EFHC2: variants seen among roughly 807,000 people sequenced by gnomAD.
The protein encoded by EFHC2 is EF-hand domain-containing family member C2.
In EFHC2, 18 loss-of-function variants were observed where a neutral mutation model predicts 52.7. That is an observed-to-expected ratio of 0.34 (90% confidence interval 0.24 to 0.51). The LOEUF is 0.51. Ranked by LOEUF, EFHC2 falls within the 20% of genes least tolerant of loss-of-function variation. EFHC2 has a pLI of 0.97. For missense variants in EFHC2, 513 were observed against 562.5 expected (o/e 0.91, Z 0.89); for synonymous variants, 203 against 204.1 (o/e 0.99, Z 0.04).
intron 10 of EFHC2, among the ~76,000 whole-genome samples, chrX:44,230,003 A>C (rs1001966230): frequency 8.2e-5 from 9 of 110,230 alleles, no homozygotes; most frequent in Non-Finnish European, 1.5e-4. Context: ...GCTCTGAGGG[A>C]AATGAGCTTA....
At position 44,242,263 on chromosome X, in the gene EFHC2, G is replaced by A. The variant is rs752459807; in HGVS notation, c.1138C>T (p.Pro380Ser). Reference protein sequence around the residue: ...IENFTSVSCKPPSPPPKIERK... With the variant: ...IENFTSVSCKSPSPPPKIERK... Reference sequence around the variant, plus strand: ...TCTATTTTTGGAGGAGGAGAAGGAGGCTTGCATGAAACTGAGGTAAAGTTC... The same window carrying A: ...TCTATTTTTGGAGGAGGAGAAGGAGACTTGCATGAAACTGAGGTAAAGTTC... The change falls in exon 8 of 15, where the codon CCT becomes TCT. Residue 380 changes from proline to serine, a missense_variant. By Grantham distance (74) the Pro-to-Ser change is moderately conservative. Coordinates refer to ENST00000420999, the MANE Select transcript of EFHC2 (RefSeq NM_025184.4). 1.7e-5 allele frequency: 20 copies of A among 1,205,907 alleles called. No individual in the cohort carries two copies. The highest frequency in any genetic ancestry group is 2.2e-5 in the Admixed American group (1 of 45,181).
At chrX:44,165,865 A>T (rs2036692835) in intron 13 of EFHC2, among the ~76,000 whole-genome samples, 1 of 111,187 alleles carries the variant, frequency 9.0e-6, no homozygotes, top group East Asian at 2.8e-4. Context: ...TAGTGCCCTT[A>T]TATTAATTAA....
intron 2 of EFHC2, among the ~76,000 whole-genome samples, chrX:44,278,177 C>T (rs999193618): frequency 1.8e-5 from 2 of 112,017 alleles, no homozygotes; most frequent in Non-Finnish European, 3.8e-5. Context: ...GAGTTGGAGA[C>T]CAGCCTGGCC....
chrX:44,310,024 T>C (rs1602210638), intron 2 of EFHC2: 3 of 949,930 alleles, frequency 3.2e-6, no homozygotes, highest in Non-Finnish European at 4.6e-6. Context: ...ATCTGAACTA[T>C]TTGGCTAAAT....
rs562929162 is a variant in EFHC2, at chrX:44,274,231, C to T, written c.232-1395G>A. ...GAGATCTACTCCCTTCAGGATGGCA[C>T]CTTTGGCTTCATTCCCAAATAGTCC... On this transcript the variant is annotated intron_variant, in intron 2 of 14. Transcript: ENST00000420999. Among the ~76,000 whole-genome samples the T allele has an allele frequency of 1.3e-4, 15 of 112,636 alleles. No individual in the cohort carries two copies. In the South Asian group the frequency reaches 5.5e-3, roughly 41 times the overall value.
chrX:44,283,331 C>T (rs1016250897), intron 2 of EFHC2, among the ~76,000 whole-genome samples: 6 of 110,754 alleles, frequency 5.4e-5, no homozygotes, highest in Non-Finnish European at 1.1e-4. Context: ...TACAGGTGCC[C>T]GCCACCACAC....
At chrX:44,337,158 T>C (rs2038122182) in intron 1 of EFHC2, among the ~76,000 whole-genome samples, 1 of 111,741 alleles carries the variant, frequency 8.9e-6, no homozygotes, top group Admixed American at 9.6e-5. Context: ...CAGAAATAAC[T>C]TGAATTATTT....
At chrX:44,327,125 C>A (rs1433541897) in intron 1 of EFHC2, among the ~76,000 whole-genome samples, 1 of 111,635 alleles carries the variant, frequency 9.0e-6, no homozygotes, top group Non-Finnish European at 1.9e-5. Context: ...AACACCTGAG[C>A]CCTTAAGCAA....
intron 11 of EFHC2, among the ~76,000 whole-genome samples, chrX:44,184,723 CAAAAAAAAAA>C (rs34983921): frequency 2.2e-5 from 1 of 46,197 alleles, no homozygotes; most frequent in African/African-American, 6.5e-5. Flanking sequence ...AATTCCATCT[CAAAAAAAAAA>C]AAAAAAAAAA....
intron 1 of EFHC2, among the ~76,000 whole-genome samples, chrX:44,330,525 C>G (rs2038080587): frequency 3.6e-5 from 4 of 110,953 alleles, no homozygotes; most frequent in African/African-American, 1.3e-4. Context: ...AAAAACAAGG[C>G]TGGGCACGGT....
chrX:44,341,369 G>A (rs2038150509), intron 1 of EFHC2, among the ~76,000 whole-genome samples: 1 of 112,517 alleles, frequency 8.9e-6, no homozygotes, highest in Non-Finnish European at 1.9e-5. Flanking sequence ...GTTCCATGCA[G>A]TATTTGAGAT....
chrX:44,185,639 C>T (rs761253499), intron 11 of EFHC2, among the ~76,000 whole-genome samples: 4 of 110,197 alleles, frequency 3.6e-5, no homozygotes, highest in Admixed American at 9.7e-5. Context: ...TGAGCTCAAG[C>T]GATCCTCCCA....
intron 11 of EFHC2, among the ~76,000 whole-genome samples, chrX:44,182,962 G>A (rs956088045): frequency 9.0e-6 from 1 of 111,097 alleles, no homozygotes; most frequent in East Asian, 2.8e-4. Flanking sequence ...AGAATTCTAC[G>A]CAGAATTCTG....
intron 3 of EFHC2, among the ~76,000 whole-genome samples, chrX:44,270,025 T>C (rs1216721346): frequency 8.9e-6 from 1 of 111,757 alleles, no homozygotes; most frequent in Admixed American, 9.5e-5. Context: ...ATCATTGTCC[T>C]GGTTTGGACA....
rs762515587 is a variant in EFHC2 at position 44,248,962 on chromosome X, C to G, written c.859-46G>C. ...AAGATGTGGTAGGATTTAATCCATT[C>G]CCTTTCTTACTATAACCCCAGGGCT... On this transcript the variant is annotated intron_variant, in intron 5 of 14. Transcript: ENST00000420999. The G allele has an allele frequency of 6.4e-6, 6 of 940,220 alleles. No individual in the cohort carries two copies. The African/African-American group carries it at 9.7e-5, about 15-fold the overall frequency. 77.5% of individuals were successfully genotyped at this position (940,220 alleles called of 1,213,427 possible).
At chrX:44,310,007 T>G (rs547448904) in intron 2 of EFHC2, 1 of 969,339 alleles carries the variant, frequency 1.0e-6, no homozygotes, top group South Asian at 1.9e-5. Context: ...AACAGCGGGC[T>G]TCTGTAATCT....
At chrX:44,229,324 G>A (rs1048997964) in intron 11 of EFHC2, among the ~76,000 whole-genome samples, 8 of 111,487 alleles carry the variant, frequency 7.2e-5, no homozygotes, top group Non-Finnish European at 1.5e-4. Context: ...TGCTCTTAGC[G>A]GTGCTTTTTT....
chrX:44,149,853 G>C (rs747965196), intron 14 of EFHC2, among the ~76,000 whole-genome samples: 2 of 112,248 alleles, frequency 1.8e-5, no homozygotes, highest in Non-Finnish European at 3.8e-5. Flanking sequence ...ATCTATACTG[G>C]CTGATTGGTT....
At position 44,261,258 on chromosome X, in the gene EFHC2, A is replaced by T. The variant is rs1344121845; in HGVS notation, c.423T>A (p.Pro141=). Residue 141 remains proline (P), a synonymous_variant, in exon 4 of 15, where the codon CCT becomes CCA. Coordinates refer to ENST00000420999, the MANE Select transcript of EFHC2 (RefSeq NM_025184.4). ...ACACAGTATAAAACTGATCCTCATC[A>T]GGAGGCGGAAGAGTAATCCGATGAC... ...IRRHRITLPP[P]DEDQFYTVYH... 3 of 1,200,546 alleles carry T rather than the reference A, an allele frequency of 2.5e-6. No homozygotes were observed. The highest frequency in any genetic ancestry group is 1.1e-6 in the Non-Finnish European group (1 of 888,344).
Sources: allele counts gnomAD v4.1 joint callset (sites outside exome capture counted in the v4.1 genomes callset), GRCh38; gene constraint gnomAD v4.1.1; transcripts MANE v1.5; gene names NCBI Gene and HGNC (gene_info 2026-07-23, HGNC 2026-07-21).